SLC5A11: variants seen among roughly 807,000 people sequenced by gnomAD.
SLC5A11 encodes sodium/myo-inositol cotransporter 2.
Under a neutral mutation model 69.8 loss-of-function variants are expected in SLC5A11, and 48 were observed. That is an observed-to-expected ratio of 0.69 (90% CI 0.55 to 0.87). SLC5A11 has a LOEUF of 0.87. Ranked by LOEUF, SLC5A11 falls within the 40% of genes least tolerant of loss-of-function variation. SLC5A11 has a pLI of 0.00. For synonymous variants in SLC5A11, 319 were observed against 342.4 expected (o/e 0.93, Z 0.75); for missense variants, 784 against 866.1 (o/e 0.91, Z 1.19).
At chr16:24,857,190 G>A (rs1025350812) in intron 1 of SLC5A11, among the ~76,000 whole-genome samples, 9 of 152,204 alleles carry the variant, frequency 5.9e-5, no homozygotes, top group Admixed American at 2.6e-4. Flanking sequence ...GAAACATCAC[G>A]TTGTGCTGTT....
At chr16:24,877,768 G>A (rs1446397923) in intron 7 of SLC5A11, among the ~76,000 whole-genome samples, 4 of 152,078 alleles carry the variant, frequency 2.6e-5, no homozygotes, top group African/African-American at 7.2e-5. Flanking sequence ...GGTGGATCAC[G>A]AGGTCAGGAG....
chr16:24,885,020 G>C (rs889545737), intron 8 of SLC5A11, among the ~76,000 whole-genome samples: 1 of 152,104 alleles, frequency 6.6e-6, no homozygotes, highest in South Asian at 2.1e-4. Context: ...GAAATTACAA[G>C]CGTGAGCCAC....
intron 7 of SLC5A11, 35 bp downstream of exon 8, chr16:24,877,398 C>T: frequency 6.5e-7 from 1 of 1,548,156 alleles, no homozygotes; most frequent in South Asian, 1.1e-5. Flanking sequence ...CTAGCAGAGG[C>T]AGTGGGCAGG....
intron 7 of SLC5A11, among the ~76,000 whole-genome samples, chr16:24,881,065 G>A (rs1330603014): frequency 6.6e-6 from 1 of 151,904 alleles, no homozygotes; most frequent in African/African-American, 2.4e-5. Context: ...AATTAGCCAG[G>A]CGTGGTGGCG....
rs945702078 is a variant in SLC5A11, at chr16:24,908,148, C to A, written c.1434+17C>A. 8 of 1,555,424 alleles carry A rather than the reference C, an allele frequency of 5.1e-6. No individual in the cohort carries two copies. The African/African-American group carries it at 1.1e-4, about 21-fold the overall frequency. ...AATGAAAAGGTAGCTCTGGATGGCT[C>A]CCACTATGCCAGAACCAAGTGCTGC... is the stretch of plus-strand genomic sequence containing the variant. On this transcript the variant is annotated intron_variant, in intron 13 of 15. Coordinates refer to ENST00000347898, the Ensembl canonical transcript of SLC5A11.
intron 7 of SLC5A11, among the ~76,000 whole-genome samples, chr16:24,882,848 G>T (rs1314220535): frequency 6.6e-6 from 1 of 152,108 alleles, no homozygotes; most frequent in Non-Finnish European, 1.5e-5. Flanking sequence ...GTTTCACCAT[G>T]TTGGCCAGGC....
At position 24,911,401 on chromosome 16, in the gene SLC5A11, G is replaced by C. The variant is rs1341055850; in HGVS notation, c.1896G>C (p.Lys632Asn). Reference sequence around the variant, plus strand: ...TCTGTGGAATACAGGAGAAGGGCAAGGAAGAGCTCCCGGCCAGAGCAGAAG... The same window carrying C: ...TCTGTGGAATACAGGAGAAGGGCAACGAAGAGCTCCCGGCCAGAGCAGAAG... Residue 632 changes from lysine to asparagine, a missense_variant, in exon 16 of 16, where the codon AAG becomes AAC. By Grantham distance (94) the Lys-to-Asn change is moderately conservative. Transcript: ENST00000347898. 1.9e-6 allele frequency: 3 copies of C among 1,614,108 alleles called. No individual in the cohort carries two copies. In the East Asian group the frequency reaches 6.7e-5, roughly 36 times the overall value.
At chr16:24,886,402 G>A (rs1333614175) in intron 8 of SLC5A11, among the ~76,000 whole-genome samples, 1 of 151,536 alleles carries the variant, frequency 6.6e-6, no homozygotes, top group Non-Finnish European at 1.5e-5. Flanking sequence ...AAGAAAAGAT[G>A]ACAAATATAG....
intron 3 of SLC5A11, among the ~76,000 whole-genome samples, chr16:24,865,979 G>C (rs1372645175): frequency 6.6e-6 from 1 of 150,880 alleles, no homozygotes; most frequent in African/African-American, 2.4e-5. Flanking sequence ...ATCCAAAATT[G>C]ATTTTTATAA....
intron 3 of SLC5A11, among the ~76,000 whole-genome samples, chr16:24,866,747 A>G (rs377473131): frequency 3.2e-4 from 48 of 152,280 alleles, no homozygotes; most frequent in East Asian, 9.6e-4. Flanking sequence ...AATACCAGAC[A>G]AAATAGACTT....
chr16:24,858,359 T>G (rs1196457454), intron 1 of SLC5A11, among the ~76,000 whole-genome samples: 1 of 152,216 alleles, frequency 6.6e-6, no homozygotes, highest in Non-Finnish European at 1.5e-5. Flanking sequence ...TGTTTATGCT[T>G]CTTTCTATTT....
chr16:24,869,833 T>C (rs2047157387), intron 3 of SLC5A11, 68 bp from the exon 5 acceptor site: 1 of 1,110,332 alleles, frequency 9.0e-7, no homozygotes, highest in Admixed American at 1.8e-5. Context: ...AGCATGGAAA[T>C]AATTGGGGGT....
intron 3 of SLC5A11, among the ~76,000 whole-genome samples, chr16:24,866,768 A>G (rs2046945778): frequency 6.6e-6 from 1 of 152,142 alleles, no homozygotes; most frequent in Non-Finnish European, 1.5e-5. Context: ...TAAGATAAAC[A>G]TTGTCACTAG....
At chr16:24,905,936 T>C (rs1401078681) in intron 10 of SLC5A11, among the ~76,000 whole-genome samples, 2 of 152,124 alleles carry the variant, frequency 1.3e-5, no homozygotes, top group Admixed American at 1.3e-4. Context: ...TCAGTTAATG[T>C]TGGGTTTGTG....
chr16:24,884,868 G>A (rs1463233619), intron 8 of SLC5A11, among the ~76,000 whole-genome samples: 1 of 151,852 alleles, frequency 6.6e-6, no homozygotes, highest in African/African-American at 2.4e-5. Context: ...AGCCTCCCAA[G>A]TAGCTGGGCC....
At chr16:24,847,042 T>C (rs1381642596) in intron 1 of SLC5A11, among the ~76,000 whole-genome samples, 2 of 152,168 alleles carry the variant, frequency 1.3e-5, no homozygotes. Context: ...GTAATACAGA[T>C]AGTGAGTGGC....
chr16:24,894,965 A>T (rs71391583), intron 9 of SLC5A11, among the ~76,000 whole-genome samples: 63,590 of 151,626 alleles, frequency 0.42, 14,121 homozygotes, highest in Non-Finnish European at 0.51. Context: ...AAAAAAATTT[A>T]AAAAATATTA....
At chr16:24,855,982 C>T (rs934185734) in intron 1 of SLC5A11, among the ~76,000 whole-genome samples, 2 of 152,242 alleles carry the variant, frequency 1.3e-5, no homozygotes, top group Non-Finnish European at 2.9e-5. Context: ...TGCCCGCGTT[C>T]TTGCTTCTCA....
intron 4 of SLC5A11, among the ~76,000 whole-genome samples, chr16:24,870,221 C>T (rs898638487): frequency 2.6e-5 from 4 of 151,418 alleles, no homozygotes; most frequent in African/African-American, 9.7e-5. Context: ...GGCGAAACCC[C>T]GTCTCTACTA....
Sources: allele counts gnomAD v4.1 joint callset (sites outside exome capture counted in the v4.1 genomes callset), GRCh38; gene constraint gnomAD v4.1.1; transcripts MANE v1.5; gene names NCBI Gene and HGNC (gene_info 2026-07-23, HGNC 2026-07-21).